The following MKLN1 variants were observed in gnomAD, a reference collection of about 807,000 sequenced individuals.
MKLN1 encodes muskelin 1.
In MKLN1, 18 loss-of-function variants were observed where a neutral mutation model predicts 99.0. The ratio of observed to expected loss-of-function variants is 0.18; its 90% confidence interval spans 0.13 to 0.27. The LOEUF (loss-of-function observed/expected upper bound fraction) is 0.27, where lower values mean the gene tolerates loss of function less well. MKLN1 is among the 10% of genes least tolerant of loss of function. MKLN1 has a pLI of 1.00. For missense variants in MKLN1, 621 were observed against 875.9 expected (o/e 0.71, Z 3.67); for synonymous variants, 288 against 293.2 (o/e 0.98, Z 0.18).
chr7:131,222,757 C>T (rs911244568), intron 3 of MKLN1, among the ~76,000 whole-genome samples: 1 of 151,412 alleles, frequency 6.6e-6, no homozygotes, highest in Non-Finnish European at 1.5e-5. Flanking sequence ...TGGCTCACGC[C>T]TGTAATCTCA....
In MKLN1 at chr7:131,288,592, A is replaced by G. The variant is rs578104018; in HGVS notation, c.-179+85618A>G. Reference sequence around the variant, plus strand: ...TAAGCTTAAGACTAATACAAGCCCCATGTCCTTCTCTGCCACACTCTGGCA... The same window carrying G: ...TAAGCTTAAGACTAATACAAGCCCCGTGTCCTTCTCTGCCACACTCTGGCA... On this transcript the variant is annotated intron_variant, in intron 3 of 7. Transcript: ENST00000416992. 3.9e-5 allele frequency among the ~76,000 whole-genome samples: 6 copies of G among 152,298 alleles called. No homozygotes were observed. In the South Asian group the frequency reaches 1.0e-3, roughly 26 times the overall value.
intron 6 of MKLN1, among the ~76,000 whole-genome samples, chr7:131,408,266 C>T (rs1251197282): frequency 1.3e-5 from 2 of 152,050 alleles, no homozygotes; most frequent in South Asian, 2.1e-4. Context: ...TATATTCTTA[C>T]TGGTATAATA....
At chr7:131,416,517 TTTTC>T (rs1295758036) in intron 8 of MKLN1, among the ~76,000 whole-genome samples, 5 of 142,514 alleles carry the variant, frequency 3.5e-5, no homozygotes, top group African/African-American at 1.0e-4. Context: ...GCCTAGGTAT[TTTTC>T]TTTCTTTTTT....
At chr7:131,285,305 A>G (rs1798115577) in intron 3 of MKLN1, among the ~76,000 whole-genome samples, 1 of 152,240 alleles carries the variant, frequency 6.6e-6, no homozygotes, top group Non-Finnish European at 1.5e-5. Context: ...GGCCTCAGCC[A>G]TAATTCCCAT....
In MKLN1 at chr7:131,286,244, C is replaced by G. The variant is rs984634039; in HGVS notation, c.-179+83270C>G. ...GGATTACAGGTGTGAGCCACTGCGCCTGGCCAATGGACTATATTTTAACAT... is the reference window on the plus strand; with the variant it reads ...GGATTACAGGTGTGAGCCACTGCGCGTGGCCAATGGACTATATTTTAACAT... On this transcript the variant is annotated intron_variant, in intron 3 of 7. Coordinates refer to the MKLN1 transcript ENST00000416992. Among the ~76,000 whole-genome samples the G allele has an allele frequency of 3.2e-4, 49 of 152,292 alleles. 1 individual carries two copies. The highest frequency in any genetic ancestry group is 3.4e-3 in the Middle Eastern group (1 of 294).
At chr7:131,411,758 T>C (rs1406895701) in intron 7 of MKLN1, among the ~76,000 whole-genome samples, 1 of 151,610 alleles carries the variant, frequency 6.6e-6, no homozygotes, top group East Asian at 1.9e-4. Flanking sequence ...AATACAAAAA[T>C]TAGCTGGGCG....
intron 3 of MKLN1, among the ~76,000 whole-genome samples, chr7:131,297,413 CTG>C (rs148107325): frequency 4.4e-4 from 65 of 149,304 alleles, no homozygotes; most frequent in South Asian, 1.1e-3. Flanking sequence ...CACAAATACT[CTG>C]TGTGTGTGTG....
chr7:131,326,039 A>T (rs1798882113), upstream of MKLN1, among the ~76,000 whole-genome samples: 1 of 152,200 alleles, frequency 6.6e-6, no homozygotes, highest in Admixed American at 6.5e-5. Flanking sequence ...ATGTGTTTTT[A>T]AAAAAGATTG....
chr7:131,373,431 T>C (rs1793531125), intron 1 of MKLN1, among the ~76,000 whole-genome samples: 1 of 152,122 alleles, frequency 6.6e-6, no homozygotes, highest in Non-Finnish European at 1.5e-5. Flanking sequence ...GTTAATTTGA[T>C]TTTTAGTTGT....
chr7:131,443,873 C>T lies in MKLN1; in HGVS notation c.1395+171C>T, dbSNP rs140005751. 6.3e-3 allele frequency among the ~76,000 whole-genome samples: 953 copies of T among 152,274 alleles called. 8 individuals carry two copies. The highest frequency in any genetic ancestry group is 0.022 in the African/African-American group (921 of 41,540). ...CTAATTATGAGACTCTTCCCATCAA[C>T]CTGGTAATTCCTAAATAGTTACTAC... is the stretch of plus-strand genomic sequence containing the variant. On this transcript the variant is annotated intron_variant, in intron 11 of 17. Coordinates refer to ENST00000352689, the MANE Select transcript of MKLN1 (RefSeq NM_013255.5).
At chr7:131,329,301 G>T (rs1051322117) in intron 1 of MKLN1, among the ~76,000 whole-genome samples, 1 of 152,170 alleles carries the variant, frequency 6.6e-6, no homozygotes, top group African/African-American at 2.4e-5. Flanking sequence ...GTAGGATCTG[G>T]CCCAATGAAG....
Position 131,489,458 on chromosome 7 carries a change from T to A in MKLN1, c.*1730T>A, listed in dbSNP as rs868361045. On this transcript the variant is annotated 3_prime_UTR_variant, in exon 18 of 18. Coordinates refer to ENST00000352689, the MANE Select transcript of MKLN1 (RefSeq NM_013255.5). ...AGTAAATACAGTTTGCTTACATACT[T>A]CAACAGTTTCATAAAACGATTCCCC... is the stretch of plus-strand genomic sequence containing the variant. The A allele has an allele frequency of 2.0e-5, 3 of 152,158 alleles. No individual in the cohort carries two copies. The highest frequency in any genetic ancestry group is 7.2e-5 in the African/African-American group (3 of 41,456). 9.4% of individuals were successfully genotyped at this position (152,158 alleles called of 1,614,324 possible). A position where few individuals can be genotyped will look rare whatever the true frequency, so the allele number is the denominator to read the frequency against.
chr7:131,307,497 G>A (rs1030612124), intron 3 of MKLN1, among the ~76,000 whole-genome samples: 3 of 152,200 alleles, frequency 2.0e-5, no homozygotes, highest in Non-Finnish European at 4.4e-5. Context: ...GAAAGCAGCT[G>A]CAGGGGCTGT....
chr7:131,123,685 G>A (rs1019152477), intron 1 of MKLN1, among the ~76,000 whole-genome samples: 4 of 152,118 alleles, frequency 2.6e-5, no homozygotes, highest in African/African-American at 4.8e-5. Flanking sequence ...CTACTTGGGA[G>A]GCTGAGGCAG....
chr7:131,206,592 G>T (rs1475798080), intron 3 of MKLN1, among the ~76,000 whole-genome samples: 2 of 148,160 alleles, frequency 1.3e-5, no homozygotes, highest in Non-Finnish European at 3.0e-5. Flanking sequence ...CTCTCACTCT[G>T]TTGCCCGGCC....
At chr7:131,183,283 G>A (rs905740295) in intron 2 of MKLN1, among the ~76,000 whole-genome samples, 8 of 152,176 alleles carry the variant, frequency 5.3e-5, no homozygotes, top group African/African-American at 1.9e-4. Context: ...AGGTAAGAGA[G>A]GTAATCTGAA....
chr7:131,264,729 T>C (rs898570259), intron 3 of MKLN1, among the ~76,000 whole-genome samples: 3 of 152,342 alleles, frequency 2.0e-5, no homozygotes, highest in South Asian at 2.1e-4. Context: ...GCTAGAGAAG[T>C]TGTGAATTTT....
At chr7:131,347,459 G>A (rs1003894627) in intron 1 of MKLN1, among the ~76,000 whole-genome samples, 2 of 152,080 alleles carry the variant, frequency 1.3e-5, no homozygotes, top group Non-Finnish European at 2.9e-5. Flanking sequence ...GAGCATGCAC[G>A]GCAAGCATAC....
At chr7:131,389,893 A>C (rs1030558879) in intron 4 of MKLN1, among the ~76,000 whole-genome samples, 5 of 151,968 alleles carry the variant, frequency 3.3e-5, no homozygotes, top group African/African-American at 4.8e-5. Context: ...CATCTCCAAA[A>C]AAAAAACCAA....
Sources: allele counts gnomAD v4.1 joint callset (sites outside exome capture counted in the v4.1 genomes callset), GRCh38; gene constraint gnomAD v4.1.1; transcripts MANE v1.5; gene names NCBI Gene and HGNC (gene_info 2026-07-23, HGNC 2026-07-21).